The following RPTOR variants were observed in gnomAD, a reference collection of about 807,000 sequenced individuals.
The protein encoded by RPTOR is regulatory associated protein of MTOR complex 1, also known as regulatory-associated protein of mTOR.
In RPTOR, 21 loss-of-function variants were observed where a neutral mutation model predicts 169.9. That is an observed-to-expected ratio of 0.12 (90% CI 0.09 to 0.18). The LOEUF (loss-of-function observed/expected upper bound fraction) is 0.18, where lower values mean the gene tolerates loss of function less well. Ranked by LOEUF, RPTOR falls within the 10% of genes least tolerant of loss-of-function variation. The pLI is 1.00. For synonymous variants in RPTOR, 732 were observed against 753.2 expected, an observed-to-expected ratio of 0.97 and a Z score of 0.46; for missense variants, 1,133 against 1,855.9, an observed-to-expected ratio of 0.61 and a Z score of 7.16.
At chr17:80,818,573 G>A (rs754415400) in intron 7 of RPTOR, among the ~76,000 whole-genome samples, 7 of 152,140 alleles carry the variant, frequency 4.6e-5, no homozygotes, top group East Asian at 1.9e-4. Flanking sequence ...TGCTGGACTC[G>A]GTTCCACCTT....
At chr17:80,553,832 C>G (rs1417923799) in intron 1 of RPTOR, among the ~76,000 whole-genome samples, 1 of 151,938 alleles carries the variant, frequency 6.6e-6, no homozygotes, top group Non-Finnish European at 1.5e-5. Flanking sequence ...ACCTCCGCCT[C>G]CCAGGTTCAA....
In RPTOR at chr17:80,841,835, C is replaced by T. The variant is rs536894170; in HGVS notation, c.1212+3838C>T. On this transcript the variant is annotated intron_variant, in intron 10 of 33. Coordinates refer to ENST00000306801, the MANE Select transcript of RPTOR (RefSeq NM_020761.3). ...CGCACGGCAGCTCACTCTCACCGCA[C>T]GGCAGCTCACACTCACCGCACGGCA... Among the ~76,000 whole-genome samples, 82 of 134,112 alleles carry T rather than the reference C, an allele frequency of 6.1e-4. 3 individuals carry two copies. The highest frequency in any genetic ancestry group is 2.2e-3 in the African/African-American group (74 of 33,348). The allele number at this position is 134,112 out of a possible 152,430, so 88.0% of individuals were successfully genotyped here.
At chr17:80,875,748 G>C (rs964884056) in intron 13 of RPTOR, among the ~76,000 whole-genome samples, 1 of 149,062 alleles carries the variant, frequency 6.7e-6, no homozygotes, top group African/African-American at 2.5e-5. Context: ...GGGTGTGTGT[G>C]TCGCCTGCCG....
intron 21 of RPTOR, among the ~76,000 whole-genome samples, chr17:80,911,080 C>T (rs2068607473): frequency 6.6e-6 from 1 of 152,210 alleles, no homozygotes. Flanking sequence ...ATCCGCCTGC[C>T]TCGGCCTCCC....
intron 1 of RPTOR, among the ~76,000 whole-genome samples, chr17:80,551,627 C>T (rs896483723): frequency 9.9e-5 from 15 of 152,222 alleles, no homozygotes; most frequent in African/African-American, 2.4e-4. Flanking sequence ...GTAGATGGAA[C>T]GTACAATCGG....
intron 6 of RPTOR, among the ~76,000 whole-genome samples, chr17:80,762,172 G>A (rs565231582): frequency 1.3e-5 from 2 of 152,344 alleles, no homozygotes; most frequent in African/African-American, 2.4e-5. Context: ...AAAAGATGAC[G>A]TGTAAAAACC....
In RPTOR at chr17:80,820,698, C is replaced by T. The variant is rs545061422; in HGVS notation, c.891-1503C>T. On this transcript the variant is annotated intron_variant, in intron 7 of 33. Coordinates refer to ENST00000306801, the MANE Select transcript of RPTOR (RefSeq NM_020761.3). This position sits in a 1 kb window ranked among gnomAD's most constrained non-coding sequence, Gnocchi z 4.1. ...CACAGTGGACATGCTTGTTCTGAAG[C>T]GAGAGCAGACTGGGGAGAAGGAGGA... Among the ~76,000 whole-genome samples, 2 of 152,248 alleles carry T rather than the reference C, an allele frequency of 1.3e-5. No individual in the cohort carries two copies. The highest frequency in any genetic ancestry group is 4.2e-4 in the South Asian group (2 of 4,818).
At chr17:80,887,072 A>T (rs1023548051) in intron 17 of RPTOR, among the ~76,000 whole-genome samples, 1 of 152,022 alleles carries the variant, frequency 6.6e-6, no homozygotes, top group African/African-American at 2.4e-5. Flanking sequence ...GAAGCAGCCA[A>T]CAGAGCTGAT....
intron 13 of RPTOR, among the ~76,000 whole-genome samples, chr17:80,864,100 A>G (rs1021733524): frequency 4.6e-5 from 7 of 152,210 alleles, no homozygotes; most frequent in African/African-American, 1.7e-4. Flanking sequence ...AATAGCTAAC[A>G]TTTTTTTGAA....
chr17:80,763,848 A>C (rs184465245), intron 6 of RPTOR, among the ~76,000 whole-genome samples: 12 of 152,340 alleles, frequency 7.9e-5, no homozygotes, highest in Non-Finnish European at 1.0e-4. Flanking sequence ...CCTTGGATTA[A>C]AGAGGAAATA....
intron 1 of RPTOR, among the ~76,000 whole-genome samples, chr17:80,548,662 A>G (rs947496026): frequency 6.6e-6 from 1 of 151,898 alleles, no homozygotes; most frequent in Non-Finnish European, 1.5e-5. Context: ...TGTGAGCCAC[A>G]GCACCTGGCC....
At chr17:80,672,739 G>A (rs1046209892) in intron 3 of RPTOR, among the ~76,000 whole-genome samples, 5 of 151,924 alleles carry the variant, frequency 3.3e-5, no homozygotes, top group East Asian at 3.9e-4. Flanking sequence ...TCAGTGAGCC[G>A]AGATCGCGTC....
intron 6 of RPTOR, among the ~76,000 whole-genome samples, chr17:80,767,384 T>C (rs2066798711): frequency 6.6e-6 from 1 of 151,866 alleles, no homozygotes; most frequent in Non-Finnish European, 1.5e-5. Flanking sequence ...AAATGAAAAT[T>C]ATAAGTAAAT....
intron 4 of RPTOR, among the ~76,000 whole-genome samples, chr17:80,710,482 C>T (rs544004369): frequency 6.6e-6 from 1 of 151,852 alleles, no homozygotes; most frequent in Non-Finnish European, 1.5e-5. Flanking sequence ...AAAACAATCA[C>T]CATTATCGAA....
chr17:80,581,463 A>G (rs1006709357), intron 1 of RPTOR, among the ~76,000 whole-genome samples: 12 of 150,456 alleles, frequency 8.0e-5, no homozygotes, highest in Non-Finnish European at 1.3e-4. Context: ...GGGCCAGTGC[A>G]TGCCTGCTAT....
In RPTOR at chr17:80,730,775, T is replaced by TTTTGGGGG; in HGVS notation, c.654+69_654+70insTTTGGGGG. 1 of 454,482 alleles carries TTTTGGGGG rather than the reference T, an allele frequency of 2.2e-6. No individual in the cohort carries two copies. The highest frequency in any genetic ancestry group is 5.4e-5 in the East Asian group (1 of 18,578). The allele number at this position is 454,482 out of a possible 1,614,324, so 28.2% of individuals were successfully genotyped here. ...GTTTTCCCTGGGGGTGGGGTTTGGG[T>TTTTGGGGG]GGGGAGGTTGGGAGGTGTTGGACAT... On this transcript the variant is annotated intron_variant, in intron 5 of 33. Transcript: ENST00000306801. The surrounding 1 kb of genome is among the most constrained non-coding windows in gnomAD (Gnocchi z 4.2).
chr17:80,738,807 T>C (rs1431083728), intron 5 of RPTOR, among the ~76,000 whole-genome samples: 1 of 152,220 alleles, frequency 6.6e-6, no homozygotes, highest in East Asian at 1.9e-4. Flanking sequence ...TAAACTACCT[T>C]TAGTTGTCTT....
chr17:80,864,174 A>G (rs1000488435), intron 13 of RPTOR, among the ~76,000 whole-genome samples: 1 of 152,250 alleles, frequency 6.6e-6, no homozygotes, highest in African/African-American at 2.4e-5. Context: ...CAAGAAAACT[A>G]CACGAAGGCA....
At chr17:80,645,222 G>A (rs1378957502) in intron 3 of RPTOR, among the ~76,000 whole-genome samples, 6 of 152,162 alleles carry the variant, frequency 3.9e-5, no homozygotes, top group African/African-American at 1.4e-4. Context: ...GGAGTGTGGG[G>A]CAGAGTGGCA....
Sources: gnomAD v4.1 joint callset for allele counts (sites outside exome capture counted in the v4.1 genomes callset) on GRCh38, gnomAD v4.1.1 for gene constraint, Gnocchi (gnomAD v3.1) non-coding constraint, MANE v1.5 for transcripts, NCBI Gene and HGNC (gene_info 2026-07-23, HGNC 2026-07-21) for gene names.